The following KHDRBS2 variants were observed in gnomAD, a reference collection of about 807,000 sequenced individuals.
KHDRBS2 encodes KH RNA binding domain containing, signal transduction associated 2.
Under a neutral mutation model 44.3 loss-of-function variants are expected in KHDRBS2, and 26 were observed. That is an observed-to-expected ratio of 0.59 (90% CI 0.43 to 0.81). The LOEUF is 0.81. Ranked by LOEUF, KHDRBS2 falls within the 40% of genes least tolerant of loss-of-function variation. The probability of loss-of-function intolerance (pLI) is 0.00; values close to 1 mark genes in which losing one functional copy is unlikely to be tolerated. For missense variants in KHDRBS2, 476 were observed against 433.1 expected (o/e 1.10, Z -0.88); for synonymous variants, 194 against 151.1 (o/e 1.28, Z -2.08).
At chr6:62,089,683 C>T (rs1461414668) in intron 2 of KHDRBS2, among the ~76,000 whole-genome samples, 1 of 152,108 alleles carries the variant, frequency 6.6e-6, no homozygotes, top group Non-Finnish European at 1.5e-5. Flanking sequence ...GCTATCTTGC[C>T]CAGGAATCCT....
At chr6:61,567,840 T>C in the KHDRBS2 span, among the ~76,000 whole-genome samples, 1 of 152,144 alleles carries the variant, frequency 6.6e-6, no homozygotes, top group Non-Finnish European at 1.5e-5. Context: ...GTACATCCAA[T>C]ACATTAATAT....
chr6:61,645,171 A>G, the KHDRBS2 span, among the ~76,000 whole-genome samples: 1 of 152,170 alleles, frequency 6.6e-6, no homozygotes, highest in Non-Finnish European at 1.5e-5. Flanking sequence ...AGGAACATGG[A>G]TGGAACTGGA....
In KHDRBS2 at chr6:61,990,965, C is replaced by T. The variant is rs1027210382; in HGVS notation, c.337-12753G>A. On this transcript the variant is annotated intron_variant, in intron 3 of 8. Transcript: ENST00000281156. ...TCTTGTGATCCATCCGCCTTGGCCT[C>T]CCAAAATGCTGGGATTACAGGCATG... is the stretch of plus-strand genomic sequence containing the variant. Among the ~76,000 whole-genome samples, 6 of 152,086 alleles carry T rather than the reference C, an allele frequency of 3.9e-5. No individual in the cohort carries two copies. The South Asian group carries it at 8.3e-4, about 21-fold the overall frequency.
At chr6:61,767,643 T>A (rs1357512997) in intron 6 of KHDRBS2, among the ~76,000 whole-genome samples, 3 of 152,152 alleles carry the variant, frequency 2.0e-5, no homozygotes, top group Non-Finnish European at 4.4e-5. Context: ...ATCTGCTATA[T>A]GCTTTTCCAC....
chr6:62,271,112 G>GTA (rs976346552), intron 1 of KHDRBS2, among the ~76,000 whole-genome samples: 4 of 151,956 alleles, frequency 2.6e-5, no homozygotes, highest in African/African-American at 4.8e-5. Context: ...TTAACCTTAA[G>GTA]TATATATATA....
chr6:61,777,436 T>C (rs1387627405), intron 6 of KHDRBS2, among the ~76,000 whole-genome samples: 1 of 152,168 alleles, frequency 6.6e-6, no homozygotes, highest in Non-Finnish European at 1.5e-5. Flanking sequence ...TCAGCAATGC[T>C]AGAGGAGGTT....
chr6:61,938,534 A>C (rs1272359207), intron 4 of KHDRBS2, among the ~76,000 whole-genome samples: 1 of 152,086 alleles, frequency 6.6e-6, no homozygotes, highest in Non-Finnish European at 1.5e-5. Context: ...TTTATGTAAG[A>C]ATGTTATAGG....
chr6:61,849,207 T>C (rs1005834522), intron 6 of KHDRBS2, among the ~76,000 whole-genome samples: 32 of 152,104 alleles, frequency 2.1e-4, no homozygotes, highest in Non-Finnish European at 4.1e-4. Flanking sequence ...TTAAATCGAC[T>C]ATAAATAGCC....
chr6:61,940,267 C>T (rs1010986682), intron 4 of KHDRBS2, among the ~76,000 whole-genome samples: 16 of 151,788 alleles, frequency 1.1e-4, no homozygotes, highest in African/African-American at 3.9e-4. Flanking sequence ...ATATATTGCC[C>T]ACATTAAAAA....
Position 61,863,863 on chromosome 6 carries a change from T to A in KHDRBS2, c.810+30772A>T, listed in dbSNP as rs139933887. Among the ~76,000 whole-genome samples the A allele has an allele frequency of 7.2e-5, 11 of 152,334 alleles. No individual in the cohort carries two copies. In the East Asian group the frequency reaches 1.7e-3, roughly 24 times the overall value. On this transcript the variant is annotated intron_variant, in intron 6 of 8. Coordinates refer to ENST00000281156, the MANE Select transcript of KHDRBS2 (RefSeq NM_152688.4). Reference sequence around the variant, plus strand: ...GCTAATGTTCAGACTCAATGATCTGTCTAACATTGTTAGTAGGATGTTAAA... The same window carrying A: ...GCTAATGTTCAGACTCAATGATCTGACTAACATTGTTAGTAGGATGTTAAA...
At chr6:62,080,543 A>G (rs960617918) in intron 2 of KHDRBS2, among the ~76,000 whole-genome samples, 5 of 152,152 alleles carry the variant, frequency 3.3e-5, no homozygotes, top group African/African-American at 4.8e-5. Context: ...TTCCTTCTCA[A>G]TGAAGCATGT....
intron 3 of KHDRBS2, among the ~76,000 whole-genome samples, chr6:61,983,244 T>TCTTTCTTTCTTTCTTTCTTTCTTTC (rs1774332866): frequency 5.3e-5 from 2 of 38,018 alleles, no homozygotes; most frequent in African/African-American, 1.5e-4. Flanking sequence ...TTCTTTTTTT[T>TCTTTCTTTCTTTCTTTCTTTCTTTC]TTTTTTTTTT....
At chr6:61,668,982 A>G in the KHDRBS2 span, among the ~76,000 whole-genome samples, 1 of 150,768 alleles carries the variant, frequency 6.6e-6, no homozygotes, top group Non-Finnish European at 1.5e-5. Context: ...TTTCCCATTT[A>G]TTTTCATTTT....
chr6:61,791,467 T>G (rs1317518357), intron 6 of KHDRBS2, among the ~76,000 whole-genome samples: 1 of 151,548 alleles, frequency 6.6e-6, no homozygotes. Flanking sequence ...TCATAGCCAT[T>G]TGAATTTCTC....
At chr6:62,247,243 C>G (rs1160169830) in intron 1 of KHDRBS2, among the ~76,000 whole-genome samples, 4 of 151,910 alleles carry the variant, frequency 2.6e-5, no homozygotes, top group Non-Finnish European at 5.9e-5. Flanking sequence ...ATGGTGCAAA[C>G]ATAATTGTGT....
Position 61,995,362 on chromosome 6 carries a change from T to C in KHDRBS2, c.337-17150A>G, listed in dbSNP as rs143245409. On this transcript the variant is annotated intron_variant, in intron 3 of 8. Transcript: ENST00000281156. Reference sequence around the variant, plus strand: ...ACTATTTTTGCTTTACTTTTTAACATATTTAATGTCTACTTTTCTAACATA... The same window carrying C: ...ACTATTTTTGCTTTACTTTTTAACACATTTAATGTCTACTTTTCTAACATA... Among the ~76,000 whole-genome samples, 108 of 152,334 alleles carry C rather than the reference T, an allele frequency of 7.1e-4. 2 individuals are homozygous for C. In the East Asian group the frequency reaches 0.016, roughly 22 times the overall value.
At chr6:61,715,738 T>C (rs1771288288) in intron 7 of KHDRBS2, among the ~76,000 whole-genome samples, 1 of 151,962 alleles carries the variant, frequency 6.6e-6, no homozygotes, top group South Asian at 2.1e-4. Flanking sequence ...AATAGTCCTC[T>C]GTATTTTAGT....
At chr6:61,921,757 C>A (rs148047807) in intron 4 of KHDRBS2, among the ~76,000 whole-genome samples, 267 of 152,046 alleles carry the variant, frequency 1.8e-3, no homozygotes, top group African/African-American at 6.3e-3. Context: ...GAGTTTTCCA[C>A]CGTTTTGCCA....
At chr6:62,146,367 G>C (rs1813932167) in intron 2 of KHDRBS2, among the ~76,000 whole-genome samples, 1 of 151,020 alleles carries the variant, frequency 6.6e-6, no homozygotes, top group African/African-American at 2.4e-5. Flanking sequence ...CCTAAACAAA[G>C]AAAAATATTT....
Sources: gnomAD v4.1 joint callset for allele counts (sites outside exome capture counted in the v4.1 genomes callset) on GRCh38, gnomAD v4.1.1 for gene constraint, MANE v1.5 for transcripts, NCBI Gene and HGNC (gene_info 2026-07-23, HGNC 2026-07-21) for gene names.